The following DNM1 variants were observed in gnomAD, a reference collection of about 807,000 sequenced individuals.
The protein encoded by DNM1 is dynamin-1.
A neutral mutation model predicts 104.6 loss-of-function variants in DNM1; 29 were observed. The ratio of observed to expected loss-of-function variants is 0.28; its 90% CI spans 0.21 to 0.38. The LOEUF (loss-of-function observed/expected upper bound fraction) is 0.38, where lower values mean the gene tolerates loss of function less well. DNM1 is among the 10% of genes least tolerant of loss of function. The pLI, the probability that DNM1 is intolerant of heterozygous loss-of-function variation, is 1.00. For missense variants in DNM1, 640 were observed against 1,189.4 expected (o/e 0.54, Z 6.79); for synonymous variants, 445 against 475.8 (o/e 0.94, Z 0.84).
chr9:128,206,731 T>G (rs1353315179), intron 1 of DNM1, among the ~76,000 whole-genome samples: 1 of 152,134 alleles, frequency 6.6e-6, no homozygotes, highest in East Asian at 1.9e-4. Flanking sequence ...GTAGCTGGTA[T>G]TCAGCTAGCA....
intron 1 of DNM1, among the ~76,000 whole-genome samples, chr9:128,207,431 G>A (rs1834034819): frequency 6.6e-6 from 1 of 152,082 alleles, no homozygotes. Flanking sequence ...GATGCCTGGT[G>A]CCCTAGGCCA....
chr9:128,220,525 C>A lies in DNM1; in HGVS notation c.849+184C>A, dbSNP rs551826811. On this transcript the variant is annotated intron_variant, in intron 6 of 21. Coordinates refer to ENST00000372923, the MANE Select transcript of DNM1 (RefSeq NM_004408.4). This position sits in a 1 kb window ranked among gnomAD's most constrained non-coding sequence, Gnocchi z 5.2. ...CTAGGTAGCAGCAAAGCTTCACTGA[C>A]CTTTCCCTGTCTGGGACCTGCCAGG... is the stretch of plus-strand genomic sequence containing the variant. Among the ~76,000 whole-genome samples the A allele has an allele frequency of 1.6e-3, 238 of 152,328 alleles. No individual in the cohort carries two copies. The highest frequency in any genetic ancestry group is 5.4e-3 in the African/African-American group (225 of 41,574).
chr9:128,209,081 C>T (rs985542553), intron 1 of DNM1, among the ~76,000 whole-genome samples: 3 of 152,160 alleles, frequency 2.0e-5, no homozygotes, highest in East Asian at 1.9e-4. Flanking sequence ...TTTGACACCC[C>T]CCCACCCACC....
At chr9:128,234,743 C>A (rs1835906741) in intron 11 of DNM1, 1 of 152,266 alleles carries the variant, frequency 6.6e-6, no homozygotes, top group East Asian at 1.9e-4. Context: ...TTCCCTGCTC[C>A]CCCAGCTCCC....
Position 128,224,685 on chromosome 9 carries a change from G to A in DNM1, c.1335+296G>A, listed in dbSNP as rs2131183631. On this transcript the variant is annotated intron_variant, in intron 10 of 21. Coordinates refer to ENST00000372923, the MANE Select transcript of DNM1 (RefSeq NM_004408.4). The surrounding 1 kb of genome is among the most constrained non-coding windows in gnomAD (Gnocchi z 4.3). ...CCCAGCTCAGAGAATAGGGCTTGAG[G>A]GGACCCTGAGCCCCCTCCCTGTCCT... Among the ~76,000 whole-genome samples the A allele has an allele frequency of 6.6e-6, 1 of 152,182 alleles. No homozygotes were observed. The highest frequency in any genetic ancestry group is 3.4e-3 in the Middle Eastern group (1 of 294).
In DNM1 at chr9:128,207,071, A is replaced by G. The variant is rs567024487; in HGVS notation, c.161+3440A>G. 7.9e-5 allele frequency among the ~76,000 whole-genome samples: 12 copies of G among 152,036 alleles called. 1 individual carries two copies. The South Asian group carries it at 2.5e-3, about 32-fold the overall frequency. Reference sequence around the variant, plus strand: ...GAATGTGGAGGGTGAGGAAAGAGGAATCAATGATGACTTCTGGGACTTTGA... The same window carrying G: ...GAATGTGGAGGGTGAGGAAAGAGGAGTCAATGATGACTTCTGGGACTTTGA... On this transcript the variant is annotated intron_variant, in intron 1 of 21. Transcript: ENST00000372923.
rs957605915 is a variant in DNM1, at chr9:128,254,579, G to A, written c.2535-75G>A. ...CTGCGGCGCGGCCGGCCCCGGCCGT[G>A]TGCTGCGCTTGCCTTACCAGCTCTC... On this transcript the variant is annotated intron_variant, in intron 21 of 21. Transcript: ENST00000372923. The surrounding 1 kb of genome is among the most constrained non-coding windows in gnomAD (Gnocchi z 6.1). The A allele has an allele frequency of 4.4e-6, 7 of 1,593,778 alleles. No homozygotes were observed. The highest frequency in any genetic ancestry group is 5.9e-6 in the Non-Finnish European group (7 of 1,178,148).
intron 1 of DNM1, among the ~76,000 whole-genome samples, chr9:128,217,141 G>A (rs997162736): frequency 1.3e-5 from 2 of 152,216 alleles, no homozygotes; most frequent in Admixed American, 6.5e-5. Flanking sequence ...GTCTGGGGAC[G>A]GGGGATGACT....
intron 1 of DNM1, among the ~76,000 whole-genome samples, chr9:128,206,395 A>G (rs916563323): frequency 6.6e-6 from 1 of 152,152 alleles, no homozygotes; most frequent in Non-Finnish European, 1.5e-5. Flanking sequence ...AGGCCAATTC[A>G]TTCAGTCATT....
chr9:128,205,325 C>A (rs1342213743), intron 1 of DNM1, among the ~76,000 whole-genome samples: 2 of 152,164 alleles, frequency 1.3e-5, no homozygotes, highest in African/African-American at 4.8e-5. Context: ...AGGGAGGGGA[C>A]CAACTGGTGA....
At chr9:128,225,028 C>G (rs553365759) in intron 10 of DNM1, among the ~76,000 whole-genome samples, 1 of 152,284 alleles carries the variant, frequency 6.6e-6, no homozygotes, top group Admixed American at 6.5e-5. Context: ...CCAAGCCTCA[C>G]AGAAGCACGC....
chr9:128,246,288 G>A, intron 15 of DNM1, 106 bp from the exon 16 acceptor site: 1 of 798,382 alleles, frequency 1.3e-6, no homozygotes, highest in East Asian at 2.5e-5. Flanking sequence ...CAGTGGGAGG[G>A]GGCTGATGCT....
intron 10 of DNM1, among the ~76,000 whole-genome samples, chr9:128,231,602 G>A (rs1241326379): frequency 6.6e-6 from 1 of 151,952 alleles, no homozygotes; most frequent in African/African-American, 2.4e-5. Flanking sequence ...TCCTCCCCTC[G>A]AGTTTTCTAA....
Position 128,218,511 on chromosome 9 carries a change from A to C in DNM1, c.236-71A>C. 1 of 1,539,004 alleles carries C rather than the reference A, an allele frequency of 6.5e-7. No individual in the cohort carries two copies. The highest frequency in any genetic ancestry group is 1.4e-5 in the African/African-American group (1 of 73,108). On this transcript the variant is annotated intron_variant, in intron 2 of 21. Transcript: ENST00000372923. The surrounding 1 kb of genome is among the most constrained non-coding windows in gnomAD (Gnocchi z 4.8). The stretch of plus-strand genomic sequence containing the variant: ...TCTAGGGGGTTCTATTACCGGTGGG[A>C]GATGAAAACCCCCAGGTGGGGTTCC...
intron 10 of DNM1, among the ~76,000 whole-genome samples, chr9:128,231,764 C>T (rs775430914): frequency 7.9e-5 from 12 of 152,168 alleles, no homozygotes; most frequent in Non-Finnish European, 1.6e-4. Flanking sequence ...CTCTCAACAA[C>T]TCTAGGAGGG....
In DNM1 at chr9:128,203,719, G is replaced by T; in HGVS notation, c.161+88G>T. On this transcript the variant is annotated intron_variant, in intron 1 of 21. Coordinates refer to ENST00000372923, the MANE Select transcript of DNM1 (RefSeq NM_004408.4). The surrounding 1 kb of genome is among the most constrained non-coding windows in gnomAD (Gnocchi z 5.3). ...GGGGCACTGACGGCGCGGCGACCTC[G>T]CAGCCCCCGACGCTGCACCCGCGGC... 7.9e-7 allele frequency: 1 copy of T among 1,266,606 alleles called. No homozygotes were observed. Among genetic ancestry groups the T allele is most frequent in the Non-Finnish European group, 1.0e-6 (1 of 994,142 alleles). 78.5% of individuals were successfully genotyped at this position (1,266,606 alleles called of 1,614,324 possible).
chr9:128,203,783 T>G lies in DNM1; in HGVS notation c.161+152T>G. 1.7e-6 allele frequency: 1 copy of G among 580,980 alleles called. No homozygotes were observed. The highest frequency in any genetic ancestry group is 2.3e-6 in the Non-Finnish European group (1 of 436,708). 36.0% of individuals were successfully genotyped at this position (580,980 alleles called of 1,614,324 possible). ...ACCCCCAGCCGGAGCGAGGAGGCCC[T>G]CCCCCCACCACGAGAGCCCCTCGGG... On this transcript the variant is annotated intron_variant, in intron 1 of 21. Coordinates refer to ENST00000372923, the MANE Select transcript of DNM1 (RefSeq NM_004408.4). The surrounding 1 kb of genome is among the most constrained non-coding windows in gnomAD (Gnocchi z 5.3).
intron 21 of DNM1, chr9:128,252,598 G>A (rs1829596711): frequency 2.5e-6 from 1 of 392,216 alleles, no homozygotes; most frequent in Non-Finnish European, 5.1e-6. Flanking sequence ...TGGGGCGCAA[G>A]GTGGAGAACC....
In DNM1 at chr9:128,203,646, C is replaced by G; in HGVS notation, c.161+15C>G. On this transcript the variant is annotated intron_variant, in intron 1 of 21. Transcript: ENST00000372923. The surrounding 1 kb of genome is among the most constrained non-coding windows in gnomAD (Gnocchi z 5.3). ...TTCGTAGGCAGGTAGGCGCGGCGCG[C>G]CCCCAGGCGCCGACCCCCGACCCCC... is the stretch of plus-strand genomic sequence containing the variant. The G allele has an allele frequency of 6.6e-7, 1 of 1,506,378 alleles. No homozygotes were observed. Among genetic ancestry groups the G allele is most frequent in the South Asian group, 1.2e-5 (1 of 81,602 alleles). 93.3% of individuals were successfully genotyped at this position (1,506,378 alleles called of 1,614,324 possible). A position where few individuals can be genotyped will look rare whatever the true frequency, so the allele number is the denominator to read the frequency against.
Sources: gnomAD v4.1 joint callset for allele counts (sites outside exome capture counted in the v4.1 genomes callset) on GRCh38, gnomAD v4.1.1 for gene constraint, Gnocchi (gnomAD v3.1) non-coding constraint, MANE v1.5 for transcripts, NCBI Gene and HGNC (gene_info 2026-07-23, HGNC 2026-07-21) for gene names.